DSCAM: variants seen among roughly 807,000 people sequenced by gnomAD.
The protein encoded by DSCAM is cell adhesion molecule DSCAM.
DSCAM carries 47 observed loss-of-function variants against 217.7 expected under a neutral mutation model. The observed-to-expected ratio is 0.22, with a 90% CI of 0.17 to 0.28. DSCAM has a LOEUF of 0.28. Among genes scored for constraint, DSCAM ranks in the 10% least tolerant of loss-of-function variants. The pLI is 1.00. For synonymous variants in DSCAM, 1,056 were observed against 1,015.3 expected, an observed-to-expected ratio of 1.04 and a Z score of -0.76; for missense variants, 2,080 against 2,618.3, an observed-to-expected ratio of 0.79 and a Z score of 4.49.
chr21:40,111,288 AC>A (rs2089896237), intron 20 of DSCAM, among the ~76,000 whole-genome samples: 2 of 152,118 alleles, frequency 1.3e-5, no homozygotes, highest in Non-Finnish European at 2.9e-5. Context: ...AGAATTTTCA[AC>A]CCAGAATTTC....
At chr21:40,557,731 G>A (rs551427728) in intron 3 of DSCAM, among the ~76,000 whole-genome samples, 33 of 152,286 alleles carry the variant, frequency 2.2e-4, no homozygotes, top group Middle Eastern at 3.4e-3. Flanking sequence ...ACTGGATGCA[G>A]ATGCTCAATC....
chr21:40,648,135 T>A (rs967052911), intron 3 of DSCAM, among the ~76,000 whole-genome samples: 2 of 152,118 alleles, frequency 1.3e-5, no homozygotes, highest in African/African-American at 4.8e-5. Context: ...CTGAAAAGAT[T>A]CAATAACTGC....
chr21:40,504,304 G>C (rs2837661), intron 3 of DSCAM, among the ~76,000 whole-genome samples: 1 of 152,124 alleles, frequency 6.6e-6, no homozygotes, highest in African/African-American at 2.4e-5. Flanking sequence ...TCCTCAGCCA[G>C]GAGGGCATCA....
At chr21:40,426,734 T>G (rs2075478630) in intron 3 of DSCAM, among the ~76,000 whole-genome samples, 1 of 152,048 alleles carries the variant, frequency 6.6e-6, no homozygotes, top group African/African-American at 2.4e-5. Context: ...TGTTGTGTGC[T>G]TCCTAGGAGC....
intron 11 of DSCAM, among the ~76,000 whole-genome samples, chr21:40,210,842 G>A (rs1164878326): frequency 6.6e-6 from 1 of 152,156 alleles, no homozygotes; most frequent in African/African-American, 2.4e-5. Flanking sequence ...ACTGCACCTG[G>A]CCACCTTCAT....
At chr21:40,113,465 G>A (rs2089926587) in intron 20 of DSCAM, among the ~76,000 whole-genome samples, 1 of 152,140 alleles carries the variant, frequency 6.6e-6, no homozygotes, top group African/African-American at 2.4e-5. Context: ...CATACTGAAT[G>A]GGCAAAAACT....
rs191024894 is a variant in DSCAM at position 40,507,975 on chromosome 21, G to A, written c.509-138730C>T. On this transcript the variant is annotated intron_variant, in intron 3 of 32. Transcript: ENST00000400454. ...TGGACCTTTGTAACCAAAACCCACC[G>A]GTATTTGCTAAATGTACCTGTGGAA... 2.9e-3 allele frequency among the ~76,000 whole-genome samples: 436 copies of A among 152,068 alleles called. 4 individuals carry two copies. The highest frequency in any genetic ancestry group is 1.4e-3 in the Non-Finnish European group (98 of 68,008).
intron 20 of DSCAM, among the ~76,000 whole-genome samples, chr21:40,109,304 A>C (rs1005122175): frequency 6.6e-6 from 1 of 152,236 alleles, no homozygotes; most frequent in African/African-American, 2.4e-5. Context: ...TTTACAAGAA[A>C]AAAATAAACA....
At position 40,790,076 on chromosome 21, in the gene DSCAM, T is replaced by C. The variant is rs374273312; in HGVS notation, c.43+56543A>G. On this transcript the variant is annotated intron_variant, in intron 1 of 32. Transcript: ENST00000400454. Reference sequence around the variant, plus strand: ...CAGTACAGAAACGGATGATTTCTTATCCTTTCTAATATCAGAGGTTCACAA... The same window carrying C: ...CAGTACAGAAACGGATGATTTCTTACCCTTTCTAATATCAGAGGTTCACAA... Among the ~76,000 whole-genome samples the C allele has an allele frequency of 1.2e-4, 19 of 152,230 alleles. 1 individual carries two copies. Among genetic ancestry groups the C allele is most frequent in the African/African-American group, 4.6e-4 (19 of 41,548 alleles).
chr21:40,432,602 T>C (rs2075545207), intron 3 of DSCAM, among the ~76,000 whole-genome samples: 1 of 152,238 alleles, frequency 6.6e-6, no homozygotes. Context: ...CTTTGGTGAA[T>C]GGGGCATTAT....
intron 16 of DSCAM, among the ~76,000 whole-genome samples, chr21:40,155,720 G>A (rs1025139989): frequency 6.6e-6 from 1 of 152,090 alleles, no homozygotes. Context: ...ATCCAACACC[G>A]CTGGTAAAGA....
At chr21:40,213,941 C>T (rs1169523589) in intron 11 of DSCAM, among the ~76,000 whole-genome samples, 2 of 152,192 alleles carry the variant, frequency 1.3e-5, no homozygotes, top group Non-Finnish European at 2.9e-5. Flanking sequence ...GGCCCTTGGC[C>T]CAGCCATTTG....
intron 1 of DSCAM, among the ~76,000 whole-genome samples, chr21:40,823,443 C>T (rs975095955): frequency 3.9e-5 from 6 of 152,032 alleles, no homozygotes; most frequent in Admixed American, 1.3e-4. Context: ...AAACTCACAA[C>T]GTGGAACACA....
At chr21:40,764,951 G>C (rs1225425069) in intron 1 of DSCAM, among the ~76,000 whole-genome samples, 1 of 152,092 alleles carries the variant, frequency 6.6e-6, no homozygotes, top group Non-Finnish European at 1.5e-5. Flanking sequence ...GGCCTGTCAG[G>C]GGGTGGAGGG....
At chr21:40,518,381 TA>T (rs369911434) in intron 3 of DSCAM, among the ~76,000 whole-genome samples, 1 of 40 alleles carries the variant, frequency 0.025, no homozygotes, top group Non-Finnish European at 0.045. Context: ...AATATATATA[TA>T]ATATATTATA....
intron 3 of DSCAM, among the ~76,000 whole-genome samples, chr21:40,668,992 C>A (rs1433996148): frequency 6.6e-6 from 1 of 152,182 alleles, no homozygotes; most frequent in African/African-American, 2.4e-5. Flanking sequence ...CAAACACACA[C>A]ACACACCAGA....
intron 1 of DSCAM, among the ~76,000 whole-genome samples, chr21:40,840,983 A>G (rs1462603508): frequency 6.6e-6 from 1 of 152,160 alleles, no homozygotes; most frequent in Non-Finnish European, 1.5e-5. Context: ...TGCTAAGGAC[A>G]CGCTCAGGCT....
intron 1 of DSCAM, among the ~76,000 whole-genome samples, chr21:40,734,675 C>A (rs2091045648): frequency 6.6e-6 from 1 of 152,110 alleles, no homozygotes; most frequent in African/African-American, 2.4e-5. Context: ...CAACTGGGAC[C>A]TCCATCCCAC....
chr21:40,837,215 G>A (rs1177331623), intron 1 of DSCAM, among the ~76,000 whole-genome samples: 2 of 152,100 alleles, frequency 1.3e-5, no homozygotes, highest in African/African-American at 4.8e-5. Context: ...ATTTGCCTCC[G>A]CTGCCTCCAA....
Sources: gnomAD v4.1 joint callset for allele counts (sites outside exome capture counted in the v4.1 genomes callset) on GRCh38, gnomAD v4.1.1 for gene constraint, MANE v1.5 for transcripts, NCBI Gene and HGNC (gene_info 2026-07-23, HGNC 2026-07-21) for gene names.